ARV1: variants seen among roughly 807,000 people sequenced by gnomAD.
The protein encoded by ARV1 is ARV1 fatty acid homeostasis modulator.
Under a neutral mutation model 31.1 loss-of-function variants are expected in ARV1, and 26 were observed. The ratio of observed to expected loss-of-function variants is 0.84; its 90% CI spans 0.61 to 1.16. ARV1 has a LOEUF of 1.16. Ranked by LOEUF, ARV1 falls within the 50% of genes most tolerant of loss-of-function variation. The pLI, the probability that ARV1 is intolerant of heterozygous loss-of-function variation, is 0.00. For missense variants in ARV1, 281 were observed against 324.9 expected (o/e 0.86, Z 1.04); for synonymous variants, 117 against 123.2 (o/e 0.95, Z 0.34).
intron 1 of ARV1, among the ~76,000 whole-genome samples, chr1:230,985,047 T>G (rs1254005327): frequency 6.6e-6 from 1 of 152,186 alleles, no homozygotes; most frequent in African/African-American, 2.4e-5. Flanking sequence ...CCTTCCCAGC[T>G]AGAGAGAGTC....
At chr1:230,991,135 G>T (rs796104673) in intron 3 of ARV1, among the ~76,000 whole-genome samples, 3 of 152,234 alleles carry the variant, frequency 2.0e-5, no homozygotes, top group African/African-American at 7.2e-5. Flanking sequence ...TGTTTTCCTA[G>T]TGTCAGAATT....
At chr1:230,980,219 C>T (rs1173769268) in intron 1 of ARV1, among the ~76,000 whole-genome samples, 1 of 152,174 alleles carries the variant, frequency 6.6e-6, no homozygotes, top group Non-Finnish European at 1.5e-5. Flanking sequence ...CAACATATTG[C>T]CTGGTCTTGT....
At position 230,979,233 on chromosome 1, in the gene ARV1, A is replaced by G; in HGVS notation, c.128A>G (p.Glu43Gly). The G allele has an allele frequency of 2.5e-6, 4 of 1,613,448 alleles. No individual in the cohort carries two copies. The highest frequency in any genetic ancestry group is 3.4e-6 in the Non-Finnish European group (4 of 1,179,750). ...RCIECNQEAKELYRDYNHGVL... is the reference protein window; with the variant it reads ...RCIECNQEAKGLYRDYNHGVL... ...ATCGAATGCAACCAGGAGGCCAAAG[A>G]GTTGTACCGAGACTATAACCACGGT... is the stretch of plus-strand genomic sequence containing the variant. The change falls in exon 1 of 6, where the codon GAG becomes GGG. Residue 43 changes from glutamate (E) to glycine (G), a missense_variant. Physicochemically the swap from Glu to Gly is moderately conservative, Grantham distance 98 (BLOSUM62 -2). Transcript: ENST00000310256.
At chr1:230,979,454 C>G (rs940585283) in intron 1 of ARV1, 175 bp downstream of exon 1, 3 of 726,248 alleles carry the variant, frequency 4.1e-6, no homozygotes, top group Non-Finnish European at 6.4e-6. Flanking sequence ...CAGCGCTTTT[C>G]TCATACTGGG....
intron 1 of ARV1, among the ~76,000 whole-genome samples, chr1:230,984,343 C>CGTGT (rs374689782): frequency 0.021 from 2,495 of 119,256 alleles, 57 homozygotes; most frequent in African/African-American, 0.057. Context: ...TTGTTTGTTT[C>CGTGT]GTGTGTGTGT....
At position 230,994,876 on chromosome 1, in the gene ARV1, C is replaced by A. The variant is rs114749426; in HGVS notation, c.449-884C>A. 6.2e-3 allele frequency among the ~76,000 whole-genome samples: 946 copies of A among 152,286 alleles called. 12 individuals carry two copies. Among genetic ancestry groups the A allele is most frequent in the African/African-American group, 0.022 (901 of 41,560 alleles). ...TATTTTTATTGATCCTAATTACCTACATTTGGAACCTCTTTAGTTTGGCTT... is the reference window on the plus strand; with the variant it reads ...TATTTTTATTGATCCTAATTACCTAAATTTGGAACCTCTTTAGTTTGGCTT... On this transcript the variant is annotated intron_variant, in intron 3 of 5. Transcript: ENST00000310256.
chr1:230,979,717 T>C (rs1678786638), intron 1 of ARV1, among the ~76,000 whole-genome samples: 1 of 152,186 alleles, frequency 6.6e-6, no homozygotes, highest in Admixed American at 6.5e-5. Flanking sequence ...GTCTACGGTG[T>C]ACAAAGCACT....
chr1:230,993,728 C>G (rs1325530413), intron 3 of ARV1, among the ~76,000 whole-genome samples: 1 of 152,046 alleles, frequency 6.6e-6, no homozygotes, highest in Non-Finnish European at 1.5e-5. Flanking sequence ...TATTCTGTCT[C>G]TACAAAAAAT....
intron 1 of ARV1, among the ~76,000 whole-genome samples, chr1:230,986,666 C>CTTTTTTTTTTTTTTTTTTTTTTTTTTTT (rs1558242688): frequency 5.0e-5 from 4 of 79,690 alleles, no homozygotes; most frequent in African/African-American, 1.3e-4. Context: ...AATACTTTTC[C>CTTTTTTTTTTTTTTTTTTTTTTTTTTTT]TATTTTTTTT....
Position 230,979,259 on chromosome 1 carries a change from G to T in ARV1, c.154G>T (p.Val52Leu), listed in dbSNP as rs753553557. ...KELYRDYNHG[V>L]LKITICKSCQ... ...GTTGTACCGAGACTATAACCACGGTGTGCTGAAGATAACCATCTGTGTGAG... is the reference window on the plus strand; with the variant it reads ...GTTGTACCGAGACTATAACCACGGTTTGCTGAAGATAACCATCTGTGTGAG... Residue 52 changes from valine to leucine, a missense_variant, in exon 1 of 6, where the codon GTG (valine) becomes TTG (leucine). By Grantham distance (32) the Val-to-Leu change is conservative. Coordinates refer to ENST00000310256, the MANE Select transcript of ARV1 (RefSeq NM_022786.3). The T allele has an allele frequency of 6.2e-7, 1 of 1,613,022 alleles. No individual in the cohort carries two copies. Among genetic ancestry groups the T allele is most frequent in the African/African-American group, 1.3e-5 (1 of 74,850 alleles).
chr1:230,979,918 A>T (rs1678803363), intron 1 of ARV1, among the ~76,000 whole-genome samples: 1 of 152,128 alleles, frequency 6.6e-6, no homozygotes, highest in African/African-American at 2.4e-5. Context: ...CGGCAGAGAG[A>T]ATAATCTTAT....
intron 3 of ARV1, among the ~76,000 whole-genome samples, chr1:230,993,901 C>G (rs1469761888): frequency 6.6e-6 from 1 of 152,146 alleles, no homozygotes; most frequent in Admixed American, 6.6e-5. Flanking sequence ...TCTCAAAAAA[C>G]TAAAAGAATA....
chr1:230,996,613 T>C (rs1452428070), intron 4 of ARV1, among the ~76,000 whole-genome samples: 1 of 152,074 alleles, frequency 6.6e-6, no homozygotes. Context: ...CCCTGCTAAA[T>C]TTTTGTAGAG....
intron 1 of ARV1, among the ~76,000 whole-genome samples, chr1:230,987,474 GT>G (rs1679117078): frequency 6.6e-6 from 1 of 152,124 alleles, no homozygotes; most frequent in Non-Finnish European, 1.5e-5. Context: ...GTATACCTGC[GT>G]TTTTTATGTT....
At chr1:230,993,280 A>G (rs1343453792) in intron 3 of ARV1, among the ~76,000 whole-genome samples, 1 of 151,988 alleles carries the variant, frequency 6.6e-6, no homozygotes, top group Non-Finnish European at 1.5e-5. Flanking sequence ...AATTTATGTA[A>G]AGGCAGTATC....
chr1:230,980,476 A>G (rs1345872880), intron 1 of ARV1, among the ~76,000 whole-genome samples: 1 of 152,048 alleles, frequency 6.6e-6, no homozygotes, highest in East Asian at 1.9e-4. Flanking sequence ...AGCTGGGATT[A>G]CAGGCCTGCA....
intron 1 of ARV1, among the ~76,000 whole-genome samples, chr1:230,983,286 C>T (rs1016632262): frequency 6.6e-6 from 1 of 151,850 alleles, no homozygotes; most frequent in African/African-American, 2.4e-5. Context: ...GTGGCGCACT[C>T]TTGTAATCCC....
intron 5 of ARV1, chr1:230,999,620 T>A (rs1384699020): frequency 6.6e-6 from 1 of 152,326 alleles, no homozygotes; most frequent in Admixed American, 6.5e-5. Flanking sequence ...ATGCTCTCCT[T>A]AGGTCCTGCA....
intron 1 of ARV1, among the ~76,000 whole-genome samples, chr1:230,983,825 A>G (rs1295367177): frequency 6.6e-6 from 1 of 152,250 alleles, no homozygotes; most frequent in Non-Finnish European, 1.5e-5. Context: ...TTCCCAGAGT[A>G]TGCTTGGTCC....
Sources: allele counts gnomAD v4.1 joint callset (sites outside exome capture counted in the v4.1 genomes callset), GRCh38; gene constraint gnomAD v4.1.1; transcripts MANE v1.5; gene names NCBI Gene and HGNC (gene_info 2026-07-23, HGNC 2026-07-21).